The following CYREN variants were observed in gnomAD, a reference collection of about 807,000 sequenced individuals.
CYREN encodes the protein cell cycle regulator of non-homologous end joining.
In CYREN, 7 loss-of-function variants were observed where a neutral mutation model predicts 9.7. That is an observed-to-expected ratio of 0.72 (90% CI 0.41 to 1.36). The LOEUF (loss-of-function observed/expected upper bound fraction) is 1.36, where lower values mean the gene tolerates loss of function less well. Among genes scored for constraint, CYREN ranks in the 40% most tolerant of loss-of-function variants. The probability of loss-of-function intolerance (pLI) is 0.01; values close to 1 mark genes in which losing one functional copy is unlikely to be tolerated. For synonymous variants in CYREN, 76 were observed against 77.9 expected, an observed-to-expected ratio of 0.98 and a Z score of 0.13; for missense variants, 215 against 198.1, an observed-to-expected ratio of 1.09 and a Z score of -0.51.
chr7:135,095,058 C>G (rs972062322), intron 2 of CYREN, among the ~76,000 whole-genome samples: 2 of 152,160 alleles, frequency 1.3e-5, no homozygotes, highest in African/African-American at 2.4e-5. Flanking sequence ...TAGAGTCACT[C>G]ATGTTAAGCC....
At position 135,166,682 on chromosome 7, in the gene CYREN, A is replaced by G. The variant is rs766975868; in HGVS notation, c.403T>C (p.Cys135Arg). ...SQRPGGSSSA[C>R]SRSPEEEEEE... ...TCCTCCTCCTCAGGGCTCCTGCTAC[A>G]GGCAGAGCTGGAACCCCCCGGCCTC... Residue 135 changes from cysteine (C) to arginine (R), a missense_variant, in exon 4 of 4, where the codon TGT (cysteine) becomes CGT (arginine). Cys to Arg is a radical substitution (Grantham distance 180). Coordinates refer to ENST00000393114, the MANE Select transcript of CYREN (RefSeq NM_024033.4). 2 of 1,611,670 alleles carry G rather than the reference A, an allele frequency of 1.2e-6. No individual in the cohort carries two copies. Among genetic ancestry groups the G allele is most frequent in the African/African-American group, 2.7e-5 (2 of 74,922 alleles).
intron 2 of CYREN, among the ~76,000 whole-genome samples, chr7:135,113,063 T>C (rs1251727390): frequency 6.6e-6 from 1 of 152,174 alleles, no homozygotes; most frequent in Non-Finnish European, 1.5e-5. Context: ...AAGCATGAGC[T>C]ACCACACCCG....
rs1667328742 is a variant in CYREN, at chr7:135,166,985, G to A, written c.214-114C>T. The A allele has an allele frequency of 1.1e-5, 17 of 1,519,616 alleles. No individual in the cohort carries two copies. The South Asian group carries it at 1.7e-4, about 15-fold the overall frequency. The allele number at this position is 1,519,616 out of a possible 1,614,324, so 94.1% of individuals were successfully genotyped here. ...GCAACTACAAAGCCAATGTGACCAGGCCAGGCAATGTACCCATATCCTGAG... is the reference window on the plus strand; with the variant it reads ...GCAACTACAAAGCCAATGTGACCAGACCAGGCAATGTACCCATATCCTGAG... On this transcript the variant is annotated intron_variant, in intron 3 of 3. Transcript: ENST00000393114.
chr7:135,135,303 C>T (rs1391237942), intron 2 of CYREN: 1 of 1,422,834 alleles, frequency 7.0e-7, no homozygotes, highest in Non-Finnish European at 9.3e-7. Flanking sequence ...TGAAGGATAA[C>T]ATATGCTTAT....
chr7:135,145,712 T>A (rs1829533583), intron 2 of CYREN, among the ~76,000 whole-genome samples: 1 of 152,168 alleles, frequency 6.6e-6, no homozygotes. Context: ...AATCTTAATT[T>A]TCTACATGGC....
At chr7:135,103,597 T>G (rs1385258362) in intron 2 of CYREN, among the ~76,000 whole-genome samples, 1 of 152,184 alleles carries the variant, frequency 6.6e-6, no homozygotes, top group Non-Finnish European at 1.5e-5. Flanking sequence ...CCATAATCCC[T>G]ACTGTTTTCT....
In CYREN at chr7:135,166,280, A is replaced by G. The variant is rs1830126032; in HGVS notation, c.*331T>C. ...TGGTTCCAGTAAGTTGGACCACCAC[A>G]TGACATCATTTTCCCTGGAACCTGG... On this transcript the variant is annotated 3_prime_UTR_variant, in exon 4 of 4. Transcript: ENST00000393114. 2 of 245,282 alleles carry G rather than the reference A, an allele frequency of 8.2e-6. No homozygotes were observed. Among genetic ancestry groups the G allele is most frequent in the Admixed American group, 5.3e-5 (1 of 18,724 alleles). 15.2% of individuals were successfully genotyped at this position (245,282 alleles called of 1,614,324 possible).
intron 2 of CYREN, among the ~76,000 whole-genome samples, chr7:135,121,474 A>G (rs1827115613): frequency 6.6e-6 from 1 of 152,122 alleles, no homozygotes; most frequent in Non-Finnish European, 1.5e-5. Flanking sequence ...CAACATATTT[A>G]AAAGAATTTA....
At position 135,096,558 on chromosome 7, in the gene CYREN, A is replaced by AGATAGATAGATAGAT. The variant is rs1822770203; in HGVS notation, n.357-1977_357-1976insATCTATCTATCTATC. ...AAAAAGAAAAAGAAAGAAAGAAAGA[A>AGATAGATAGATAGAT]AGATAGATAGATAGATAGATAGATA... On this transcript the variant is annotated intron_variant and non_coding_transcript_variant, in intron 2 of 2. Transcript: ENST00000459937. Among the ~76,000 whole-genome samples, 109 of 79,762 alleles carry AGATAGATAGATAGAT rather than the reference A, an allele frequency of 1.4e-3. 1 individual carries two copies. Among genetic ancestry groups the AGATAGATAGATAGAT allele is most frequent in the African/African-American group, 4.4e-3 (96 of 21,640 alleles). 52.3% of individuals were successfully genotyped at this position (79,762 alleles called of 152,430 possible).
At chr7:135,157,388 G>C (rs528267007) in intron 2 of CYREN, among the ~76,000 whole-genome samples, 1 of 152,364 alleles carries the variant, frequency 6.6e-6, no homozygotes, top group South Asian at 2.1e-4. Flanking sequence ...AATTAGCTGA[G>C]ACTAAGTCCC....
intron 2 of CYREN, among the ~76,000 whole-genome samples, chr7:135,100,982 C>T (rs2117026940): frequency 6.6e-6 from 1 of 152,218 alleles, no homozygotes; most frequent in East Asian, 1.9e-4. Flanking sequence ...CTTTGCATAC[C>T]CTGAGGTGTA....
At chr7:135,127,356 A>G (rs1014229725) in intron 2 of CYREN, among the ~76,000 whole-genome samples, 1 of 151,788 alleles carries the variant, frequency 6.6e-6, no homozygotes, top group Non-Finnish European at 1.5e-5. Flanking sequence ...GAATATCGAG[A>G]CCATCCTGGC....
rs143472003 is a variant in CYREN, at chr7:135,166,845, C to A, written c.240G>T (p.Glu80Asp). ...TATCAGCCCCCGCCAGGGCCGGCTG[C>A]TCGCAGGCCTTTTCCTGTTTGCGGC... is the stretch of plus-strand genomic sequence containing the variant. ...IESRKQEKAC[E>D]QPALAGADNP... The change falls in exon 4 of 4, where the codon GAG becomes GAT. Residue 80 changes from glutamate (E) to aspartate (D), a missense_variant. By Grantham distance (45) the Glu-to-Asp change is conservative. Coordinates refer to ENST00000393114, the MANE Select transcript of CYREN (RefSeq NM_024033.4). 1 of 1,614,002 alleles carries A rather than the reference C, an allele frequency of 6.2e-7. No homozygotes were observed. Among genetic ancestry groups the A allele is most frequent in the Admixed American group, 1.7e-5 (1 of 60,030 alleles).
intron 2 of CYREN, among the ~76,000 whole-genome samples, chr7:135,106,594 G>A (rs1824755065): frequency 6.6e-6 from 1 of 152,220 alleles, no homozygotes; most frequent in African/African-American, 2.4e-5. Context: ...GCTTTTTGAT[G>A]TGCTGCTGGA....
At position 135,166,688 on chromosome 7, in the gene CYREN, A is replaced by T. The variant is rs200688123; in HGVS notation, c.397T>A (p.Ser133Thr). Residue 133 changes from serine (S) to threonine (T), a missense_variant, in exon 4 of 4, where the codon TCT becomes ACT. Ser to Thr is a moderately conservative substitution (Grantham distance 58, BLOSUM62 1). Coordinates refer to ENST00000393114, the MANE Select transcript of CYREN (RefSeq NM_024033.4). ...SPSQRPGGSS[S>T]ACSRSPEEEE... is the part of the protein sequence containing the mutation. ...TCCTCAGGGCTCCTGCTACAGGCAGAGCTGGAACCCCCCGGCCTCTGGGAA... is the reference window on the plus strand; with the variant it reads ...TCCTCAGGGCTCCTGCTACAGGCAGTGCTGGAACCCCCCGGCCTCTGGGAA... 2.6e-5 allele frequency: 42 copies of T among 1,612,376 alleles called. No homozygotes were observed. In the East Asian group the frequency reaches 8.7e-4, roughly 33 times the overall value.
At chr7:135,171,105 C>G (rs982538849), upstream of CYREN, among the ~76,000 whole-genome samples, 11 of 152,170 alleles carry the variant, frequency 7.2e-5, no homozygotes, top group Admixed American at 1.3e-4. Context: ...AGCCCGGCCT[C>G]GGTTTGTTAT....
At chr7:135,140,080 T>C (rs1484065528) in intron 2 of CYREN, among the ~76,000 whole-genome samples, 1 of 40,996 alleles carries the variant, frequency 2.4e-5, no homozygotes, top group African/African-American at 7.3e-5. Context: ...TTAGAATAGT[T>C]TTTTTTTTCT....
intron 2 of CYREN, among the ~76,000 whole-genome samples, chr7:135,142,488 A>G (rs976770183): frequency 1.1e-4 from 16 of 152,282 alleles, no homozygotes; most frequent in African/African-American, 3.8e-4. Context: ...CTTCTGTATG[A>G]GGGGGTTGGT....
chr7:135,164,609 T>C (rs368157498), downstream of CYREN: 2 of 1,614,138 alleles, frequency 1.2e-6, no homozygotes, highest in African/African-American at 2.7e-5. Context: ...GCCTGTGGAA[T>C]GAGGACACCA....
Sources: allele counts gnomAD v4.1 joint callset (sites outside exome capture counted in the v4.1 genomes callset), GRCh38; gene constraint gnomAD v4.1.1; transcripts MANE v1.5; gene names NCBI Gene and HGNC (gene_info 2026-07-23, HGNC 2026-07-21).